Variants in TTC3 observed in about 807,000 individuals in gnomAD.
TTC3 encodes the protein E3 ubiquitin-protein ligase TTC3.
Under a neutral mutation model 249.6 loss-of-function variants are expected in TTC3, and 180 were observed. The ratio of observed to expected loss-of-function variants is 0.72; its 90% CI spans 0.64 to 0.82. The LOEUF (loss-of-function observed/expected upper bound fraction) is 0.82, where lower values mean the gene tolerates loss of function less well. Among genes scored for constraint, TTC3 ranks in the 40% least tolerant of loss-of-function variants. TTC3 has a pLI of 0.00. For missense variants in TTC3, 2,061 were observed against 2,398.4 expected (o/e 0.86, Z 2.94); for synonymous variants, 717 against 805.0 (o/e 0.89, Z 1.85).
chr21:37,134,860 C>A (rs1193924832), intron 17 of TTC3, among the ~76,000 whole-genome samples: 1 of 152,110 alleles, frequency 6.6e-6, no homozygotes, highest in Admixed American at 6.6e-5. Context: ...ATTTTATCTA[C>A]TTATATTCAA....
chr21:37,158,208 TA>T, intron 28 of TTC3: 13 of 985,432 alleles, frequency 1.3e-5, no homozygotes, highest in Non-Finnish European at 1.6e-5. Context: ...CTGCTGGTAA[TA>T]AAATGCTGTC....
chr21:37,140,948 CTATAGA>C (rs933160507), intron 20 of TTC3, among the ~76,000 whole-genome samples: 1 of 152,088 alleles, frequency 6.6e-6, no homozygotes, highest in African/African-American at 2.4e-5. Context: ...GTATAATCAT[CTATAGA>C]TAGTGAGTGA....
At chr21:37,186,665 G>A (rs1028033303) in intron 37 of TTC3, among the ~76,000 whole-genome samples, 7 of 152,156 alleles carry the variant, frequency 4.6e-5, no homozygotes, top group African/African-American at 1.4e-4. Flanking sequence ...GGGCCCAAGC[G>A]ATCCGCCTGC....
intron 1 of TTC3, among the ~76,000 whole-genome samples, chr21:37,079,506 T>A (rs2071327728): frequency 6.9e-6 from 1 of 145,166 alleles, no homozygotes; most frequent in African/African-American, 2.5e-5. Context: ...TTTCATCAAG[T>A]TTATGGTATG....
At chr21:37,133,968 A>C (rs1355233206) in intron 17 of TTC3, among the ~76,000 whole-genome samples, 1 of 152,208 alleles carries the variant, frequency 6.6e-6, no homozygotes, top group Non-Finnish European at 1.5e-5. Context: ...TGAGAACAAG[A>C]TTAAAATTGA....
chr21:37,166,294 G>C lies in TTC3; in HGVS notation c.4080G>C (p.Gln1360His), dbSNP rs778270490. 27 of 1,614,044 alleles carry C rather than the reference G, an allele frequency of 1.7e-5. No homozygotes were observed. The East Asian group carries it at 5.8e-4, about 35-fold the overall frequency. The change falls in exon 33 of 46, where the codon CAG (glutamine) becomes CAC (histidine). Residue 1360 changes from glutamine to histidine, a missense_variant. Coordinates refer to ENST00000355666, the Ensembl canonical transcript of TTC3. ...TGGCCAGCCTTTCTCCTGAATATCAGCTACCAAGATCAGTACCAGTGGTGC... is the reference window on the plus strand; with the variant it reads ...TGGCCAGCCTTTCTCCTGAATATCACCTACCAAGATCAGTACCAGTGGTGC...
At chr21:37,088,208 G>A (rs1177747470) in exon 4 of TTC3, 1 of 1,591,666 alleles carries the variant, frequency 6.3e-7, no homozygotes, top group Admixed American at 1.8e-5. Context: ...TTTGACATCT[G>A]CAGTATATGG....
intron 10 of TTC3, among the ~76,000 whole-genome samples, chr21:37,103,969 A>G (rs531381376): frequency 3.1e-4 from 47 of 152,324 alleles, no homozygotes; most frequent in Non-Finnish European, 6.5e-4. Context: ...AAATTTGAGC[A>G]TAGTGAAAAT....
intron 22 of TTC3, among the ~76,000 whole-genome samples, chr21:37,147,951 T>A (rs2079127245): frequency 6.6e-6 from 1 of 152,056 alleles, no homozygotes. Context: ...ATGGTCTCGA[T>A]CTCTTGACTT....
intron 31 of TTC3, 44 bp from the exon 32 acceptor site, chr21:37,164,007 T>A (rs2081017356): frequency 6.3e-7 from 1 of 1,576,488 alleles, no homozygotes; most frequent in Non-Finnish European, 8.6e-7. Flanking sequence ...AAACCAAAGG[T>A]CTATCATCCA....
chr21:37,200,449 C>T, intron 45 of TTC3, 125 bp downstream of exon 45: 1 of 1,051,774 alleles, frequency 9.5e-7, no homozygotes, highest in South Asian at 1.6e-5. Flanking sequence ...TCTTTGCAAA[C>T]CTCCCGTGTC....
intron 45 of TTC3, 105 bp from the exon 46 acceptor site, chr21:37,201,335 C>A: frequency 1.4e-6 from 2 of 1,447,818 alleles, no homozygotes; most frequent in South Asian, 2.3e-5. Context: ...GCCCAAGAGA[C>A]CAAGGGCAAG....
At chr21:37,193,239 G>GC (rs5843813) in intron 41 of TTC3, among the ~76,000 whole-genome samples, 152,296 of 152,300 alleles carry the variant, frequency 1, 76,146 homozygotes, top group Middle Eastern at 1. Context: ...CCCGTCAGGC[G>GC]TGCCCTCTTT....
intron 10 of TTC3, chr21:37,097,973 A>G (rs1474256841): frequency 7.0e-6 from 5 of 713,862 alleles, no homozygotes; most frequent in Non-Finnish European, 1.3e-5. Flanking sequence ...AAGAAAATAA[A>G]AATCACCAGT....
At chr21:37,167,480 G>T in intron 33 of TTC3, 75 bp from the exon 34 acceptor site, 1 of 1,130,382 alleles carries the variant, frequency 8.8e-7, no homozygotes, top group Non-Finnish European at 1.3e-6. Context: ...GTGTTTTAAA[G>T]TGTTACTACT....
rs576940986 is a variant in TTC3, at chr21:37,124,511, A to G, written c.1110-108A>G. ...CTCACAGGTAGGAAATCTTTTTAAA[A>G]CAATAATACCTTGCTTTCAAGGAAA... On this transcript the variant is annotated intron_variant, in intron 13 of 45. Transcript: ENST00000355666. 60 of 1,213,546 alleles carry G rather than the reference A, an allele frequency of 4.9e-5. 1 individual carries two copies. In the South Asian group the frequency reaches 7.9e-4, roughly 16 times the overall value. 75.2% of individuals were successfully genotyped at this position (1,213,546 alleles called of 1,614,324 possible).
chr21:37,198,159 A>C (rs2085120887), intron 44 of TTC3, 134 bp downstream of exon 44: 1 of 1,132,422 alleles, frequency 8.8e-7, no homozygotes, highest in African/African-American at 1.6e-5. Flanking sequence ...ATTTCAATGT[A>C]CTTGAATGTG....
chr21:37,097,775 T>C (rs1369519830), intron 10 of TTC3: 17 of 524,194 alleles, frequency 3.2e-5, no homozygotes. Context: ...TGAAGTTTTC[T>C]CATGAAAGCT....
At position 37,198,121 on chromosome 21, in the gene TTC3, T is replaced by C; in HGVS notation, c.5850+96T>C. On this transcript the variant is annotated intron_variant, in intron 44 of 45. Transcript: ENST00000355666. ...TAGCCCCATTCATTTCTAGACCTAA[T>C]TTATTTGATCCCAACATTAGAAACT... 3.6e-6 allele frequency: 5 copies of C among 1,381,296 alleles called. No homozygotes were observed. The South Asian group carries it at 4.8e-5, about 13-fold the overall frequency. 85.6% of individuals were successfully genotyped at this position (1,381,296 alleles called of 1,614,324 possible). A position where few individuals can be genotyped will look rare whatever the true frequency, so the allele number is the denominator to read the frequency against.
Sources: gnomAD v4.1 joint callset for allele counts (sites outside exome capture counted in the v4.1 genomes callset) on GRCh38, gnomAD v4.1.1 for gene constraint, MANE v1.5 for transcripts, NCBI Gene and HGNC (gene_info 2026-07-23, HGNC 2026-07-21) for gene names.